Variants in ALDH9A1 observed in about 807,000 individuals in gnomAD.
ALDH9A1 encodes the protein 4-trimethylaminobutyraldehyde dehydrogenase.
A neutral mutation model predicts 56.6 loss-of-function variants in ALDH9A1; 42 were observed. That is an observed-to-expected ratio of 0.74 (90% CI 0.58 to 0.96). ALDH9A1 has a LOEUF of 0.96. Among genes scored for constraint, ALDH9A1 ranks in the 40% least tolerant of loss-of-function variants. The probability of loss-of-function intolerance (pLI) is 0.00; values close to 1 mark genes in which losing one functional copy is unlikely to be tolerated. For missense variants in ALDH9A1, 661 were observed against 651.5 expected (o/e 1.01, Z -0.16); for synonymous variants, 242 against 236.0 (o/e 1.03, Z -0.23).
intron 6 of ALDH9A1, among the ~76,000 whole-genome samples, chr1:165,672,972 AACACACACACAC>A (rs67363579): frequency 1.6e-3 from 201 of 124,262 alleles, no homozygotes; most frequent in African/African-American, 5.7e-3. Context: ...AAAAAATACA[AACACACACACAC>A]ACACACACAC....
Position 165,662,905 on chromosome 1 carries a change from G to C in ALDH9A1, c.*145C>G. The C allele has an allele frequency of 1.5e-6, 1 of 667,644 alleles. No homozygotes were observed. The highest frequency in any genetic ancestry group is 2.7e-6 in the Non-Finnish European group (1 of 377,144). The allele number at this position is 667,644 out of a possible 1,614,324, so 41.4% of individuals were successfully genotyped here. A position where few individuals can be genotyped will look rare whatever the true frequency, so the allele number is the denominator to read the frequency against. Reference sequence around the variant, plus strand: ...TTTTCAGTGAGGAAGCTGATGGAGAGAGAAAGAGTAACATGAACCATTCTC... The same window carrying C: ...TTTTCAGTGAGGAAGCTGATGGAGACAGAAAGAGTAACATGAACCATTCTC... On this transcript the variant is annotated 3_prime_UTR_variant, in exon 11 of 11. Transcript: ENST00000354775.
intron 10 of ALDH9A1, among the ~76,000 whole-genome samples, chr1:165,663,481 G>A (rs1431901788): frequency 6.6e-6 from 1 of 152,162 alleles, no homozygotes; most frequent in Non-Finnish European, 1.5e-5. Context: ...TAATCAACCT[G>A]ACACCCTTGA....
In ALDH9A1 at chr1:165,682,199, C is replaced by T. The variant is rs1375132081; in HGVS notation, c.500G>A (p.Arg167Lys). 2 of 1,613,950 alleles carry T rather than the reference C, an allele frequency of 1.2e-6. No homozygotes were observed. The highest frequency in any genetic ancestry group is 3.3e-5 in the Admixed American group (2 of 60,018). ...CACACATACCCCAAGTGGTTCTCTT[C>T]TGGTATAACCAAACGATCCACCTGG... ...QLPGGSFGYT[R>K]REPLGVCVGI... The change falls in exon 4 of 11, where the codon AGA becomes AAA. Residue 167 changes from arginine (R) to lysine (K), a missense_variant. Physicochemically the swap from Arg to Lys is conservative, Grantham distance 26 (BLOSUM62 2). Transcript: ENST00000354775.
Position 165,662,958 on chromosome 1 carries a change from TAAAATA to T in ALDH9A1, c.*86_*91del. 1 of 1,153,680 alleles carries T rather than the reference TAAAATA, an allele frequency of 8.7e-7. No individual in the cohort carries two copies. Among genetic ancestry groups the T allele is most frequent in the Non-Finnish European group, 1.3e-6 (1 of 766,788 alleles). 71.5% of individuals were successfully genotyped at this position (1,153,680 alleles called of 1,614,324 possible). On this transcript the variant is annotated 3_prime_UTR_variant, in exon 11 of 11. Transcript: ENST00000354775. ...ATACTGAACGCCAAAATTCTGGATG[TAAAATA>T]ACATTCAGTTGTACTGCCTCTGTAA...
intron 8 of ALDH9A1, among the ~76,000 whole-genome samples, chr1:165,668,408 T>C (rs951944279): frequency 1.3e-5 from 2 of 152,170 alleles, no homozygotes; most frequent in Non-Finnish European, 2.9e-5. Context: ...TCTTTCACCA[T>C]GTGACTCGTC....
chr1:165,690,135 T>C (rs1649842257), intron 2 of ALDH9A1, among the ~76,000 whole-genome samples: 2 of 126,150 alleles, frequency 1.6e-5, no homozygotes, highest in Admixed American at 8.7e-5. Flanking sequence ...GTATATTATA[T>C]AGATTATATA....
rs149500577 is a variant in ALDH9A1 at position 165,672,679 on chromosome 1, G to A, written c.931-3229C>T. ...AGGCCAGGTGTGGTGGCTCACGCCT[G>A]TAGTTCCAGCACCTTGGGAGGCTGA... On this transcript the variant is annotated intron_variant, in intron 6 of 10. Transcript: ENST00000354775. 7.2e-4 allele frequency among the ~76,000 whole-genome samples: 109 copies of A among 152,288 alleles called. No homozygotes were observed. In the East Asian group the frequency reaches 0.017, roughly 24 times the overall value.
intron 6 of ALDH9A1, among the ~76,000 whole-genome samples, chr1:165,673,154 A>G (rs1649238456): frequency 6.6e-6 from 1 of 151,996 alleles, no homozygotes; most frequent in African/African-American, 2.4e-5. Context: ...ACCTGGATAG[A>G]CATATTTCCA....
intron 1 of ALDH9A1, 86 bp from the exon 2 acceptor site, chr1:165,695,483 T>C (rs1650045175): frequency 1.2e-5 from 11 of 913,296 alleles, no homozygotes; most frequent in South Asian, 2.6e-5. Context: ...CTCTTAGTAG[T>C]AGTCTTTTTT....
At chr1:165,679,649 G>A (rs4646896) in intron 5 of ALDH9A1, 67 bp from the exon 6 acceptor site, 653,642 of 1,531,036 alleles carry the variant, frequency 0.43, 142,803 homozygotes, top group Middle Eastern at 0.47. Flanking sequence ...AGTCAACTAG[G>A]CCCTGAACCT....
intron 2 of ALDH9A1, among the ~76,000 whole-genome samples, chr1:165,690,193 GTATAT>G (rs1258534062): frequency 3.4e-5 from 5 of 146,896 alleles, no homozygotes; most frequent in Non-Finnish European, 5.9e-5. Flanking sequence ...TTATGTATAT[GTATAT>G]TATATGTGTT....
Position 165,662,982 on chromosome 1 carries a change from C to T in ALDH9A1, c.*68G>A. On this transcript the variant is annotated 3_prime_UTR_variant, in exon 11 of 11. Transcript: ENST00000354775. ...GTAAAATAACATTCAGTTGTACTGCCTCTGTAAACAGGGCCAATTCACATC... is the reference window on the plus strand; with the variant it reads ...GTAAAATAACATTCAGTTGTACTGCTTCTGTAAACAGGGCCAATTCACATC... 2.2e-6 allele frequency: 3 copies of T among 1,363,866 alleles called. No individual in the cohort carries two copies. Among genetic ancestry groups the T allele is most frequent in the Non-Finnish European group, 2.1e-6 (2 of 952,468 alleles). The allele number at this position is 1,363,866 out of a possible 1,614,324, so 84.5% of individuals were successfully genotyped here.
rs1288440516 is a variant in ALDH9A1, at chr1:165,698,539, A to AGGCCG, written c.19_20insCGGCC (p.Leu7ProfsTer21). The AGGCCG allele has an allele frequency of 6.2e-7, 1 of 1,608,232 alleles. No homozygotes were observed. Among genetic ancestry groups the AGGCCG allele is most frequent in the Non-Finnish European group, 8.5e-7 (1 of 1,178,328 alleles). On this transcript the variant is annotated frameshift_variant, in exon 1 of 11. Transcript: ENST00000354775. LOFTEE classifies it high-confidence loss of function. ...GCGAAGAAGCGGGGAGAGCGCGGCC[A>AGGCCG]GGCCTGCTCGGAGAAACATGAGTGG...
Position 165,679,506 on chromosome 1 carries a change from GAGA to G in ALDH9A1, c.863_865del (p.Phe288del), listed in dbSNP as rs1649475784. ...TACAGCATTGTTCATATCACAGTCT[GAGA>G]AGATGATGAGTGGAGATTTGCCTCC... On this transcript the variant is annotated inframe_deletion, in exon 6 of 11. Coordinates refer to ENST00000354775, the MANE Select transcript of ALDH9A1 (RefSeq NM_000696.4). The G allele has an allele frequency of 6.2e-7, 1 of 1,614,036 alleles. No homozygotes were observed. Among genetic ancestry groups the G allele is most frequent in the Non-Finnish European group, 8.5e-7 (1 of 1,180,028 alleles).
At chr1:165,683,147 T>G in intron 2 of ALDH9A1, 37 bp from the exon 3 acceptor site, 1 of 1,606,170 alleles carries the variant, frequency 6.2e-7, no homozygotes, top group South Asian at 1.1e-5. Flanking sequence ...TAAGACATAT[T>G]CCAATATGTC....
In ALDH9A1 at chr1:165,673,113, A is replaced by C. The variant is rs1174488584; in HGVS notation, c.931-3663T>G. 2.6e-5 allele frequency among the ~76,000 whole-genome samples: 4 copies of C among 151,672 alleles called. No individual in the cohort carries two copies. The South Asian group carries it at 6.3e-4, about 24-fold the overall frequency. ...CACTATTCAATTGCAAAAAAAAAAA[A>C]AAAAAACCTCTGATTACGAATGGGC... On this transcript the variant is annotated intron_variant, in intron 6 of 10. Coordinates refer to ENST00000354775, the MANE Select transcript of ALDH9A1 (RefSeq NM_000696.4).
Position 165,680,490 on chromosome 1 carries a change from C to G in ALDH9A1, c.786G>C (p.Met262Ile). The G allele has an allele frequency of 1.2e-6, 2 of 1,614,000 alleles. No individual in the cohort carries two copies. Among genetic ancestry groups the G allele is most frequent in the Non-Finnish European group, 1.7e-6 (2 of 1,179,968 alleles). The change falls in exon 5 of 11, where the codon ATG becomes ATC. Residue 262 changes from methionine (M) to isoleucine (I), a missense_variant. Coordinates refer to ENST00000354775, the MANE Select transcript of ALDH9A1 (RefSeq NM_000696.4). ...VSFTGSVPTGMKIMEMSAKGI... is the reference protein window; with the variant it reads ...VSFTGSVPTGIKIMEMSAKGI... ...CCAATACTGGTTTTGTCCTCACCTT[C>G]ATGCCAGTGGGCACACTTCCAGTGA...
intron 2 of ALDH9A1, among the ~76,000 whole-genome samples, chr1:165,694,458 CAAAT>C (rs1649998490): frequency 1.3e-5 from 2 of 151,242 alleles, no homozygotes; most frequent in South Asian, 4.2e-4. Flanking sequence ...TTTTAGTTGA[CAAAT>C]AAAAATTGTA....
intron 2 of ALDH9A1, among the ~76,000 whole-genome samples, chr1:165,692,215 C>A (rs1354815488): frequency 6.6e-6 from 1 of 152,120 alleles, no homozygotes; most frequent in Non-Finnish European, 1.5e-5. Flanking sequence ...GAAGTTCTGG[C>A]CAAGGCAATC....
Sources: allele counts gnomAD v4.1 joint callset (sites outside exome capture counted in the v4.1 genomes callset), GRCh38; gene constraint gnomAD v4.1.1; transcripts MANE v1.5; gene names NCBI Gene and HGNC (gene_info 2026-07-23, HGNC 2026-07-21).